PCSK6: variants seen among roughly 807,000 people sequenced by gnomAD.
PCSK6 encodes proprotein convertase subtilisin/kexin type 6.
In PCSK6, 85 loss-of-function variants were observed where a neutral mutation model predicts 123.3. That is an observed-to-expected ratio of 0.69 (90% confidence interval 0.58 to 0.83). The LOEUF is 0.83. Among genes scored for constraint, PCSK6 ranks in the 40% least tolerant of loss-of-function variants. PCSK6 has a pLI of 0.00. For synonymous variants in PCSK6, 508 were observed against 516.0 expected (o/e 0.98, Z 0.21); for missense variants, 1,191 against 1,282.3 (o/e 0.93, Z 1.09).
At position 101,331,941 on chromosome 15, in the gene PCSK6, A is replaced by G; in HGVS notation, c.1949T>C (p.Leu650Pro). ...CTCCAGCTCTGGGGCTGAGAGCTCC[A>G]GCATCCGCGAGCGGGACTGATGGGC... The part of the protein sequence containing the change: ...FSAHQSRSRM[L>P]ELSAPELEPP... Residue 650 changes from leucine to proline, a missense_variant, in exon 14 of 22, where the codon CTG (leucine) becomes CCG (proline). Coordinates refer to ENST00000611716, the MANE Select transcript of PCSK6 (RefSeq NM_002570.5). 1.2e-5 allele frequency: 20 copies of G among 1,613,926 alleles called. No individual in the cohort carries two copies. The highest frequency in any genetic ancestry group is 2.2e-5 in the East Asian group (1 of 44,888).
At chr15:101,432,951 G>A (rs1282343461) in intron 2 of PCSK6, among the ~76,000 whole-genome samples, 1 of 152,196 alleles carries the variant, frequency 6.6e-6, no homozygotes. Context: ...AATAGTAGTA[G>A]CATCAGTTCC....
At chr15:101,374,957 T>C (rs1369948970) in intron 11 of PCSK6, among the ~76,000 whole-genome samples, 1 of 142,116 alleles carries the variant, frequency 7.0e-6, no homozygotes, top group African/African-American at 2.6e-5. Flanking sequence ...ATGAAATTAC[T>C]TTTTTTTTTT....
chr15:101,419,212 C>T (rs1239316014), intron 6 of PCSK6, among the ~76,000 whole-genome samples: 3 of 151,758 alleles, frequency 2.0e-5, no homozygotes, highest in East Asian at 1.9e-4. Flanking sequence ...GAGAATCCAA[C>T]GGAAAAACAA....
chr15:101,363,715 CGCCTCCCGGGTTCAA>C (rs2041303458), intron 13 of PCSK6, among the ~76,000 whole-genome samples: 1 of 151,756 alleles, frequency 6.6e-6, no homozygotes, highest in Non-Finnish European at 1.5e-5. Context: ...CTGTAAGCTC[CGCCTCCCGGGTTCAA>C]GCCATTCTCC....
At chr15:101,327,841 C>T (rs2040292789) in intron 15 of PCSK6, among the ~76,000 whole-genome samples, 1 of 152,092 alleles carries the variant, frequency 6.6e-6, no homozygotes, top group Non-Finnish European at 1.5e-5. Flanking sequence ...TTGCGTGTCC[C>T]GGTTCCCACT....
chr15:101,365,106 G>A, intron 13 of PCSK6: 1 of 701,380 alleles, frequency 1.4e-6, no homozygotes, highest in Non-Finnish European at 2.7e-6. Context: ...ACAAAAGAAT[G>A]AGTTTGGACC....
At chr15:101,377,690 C>T (rs1354420819) in intron 11 of PCSK6, among the ~76,000 whole-genome samples, 1 of 152,158 alleles carries the variant, frequency 6.6e-6, no homozygotes, top group Admixed American at 6.5e-5. Context: ...CACGAAATTC[C>T]AGAAAAGCAG....
intron 2 of PCSK6, among the ~76,000 whole-genome samples, chr15:101,439,361 G>A (rs2056694812): frequency 6.6e-6 from 1 of 152,240 alleles, no homozygotes; most frequent in Non-Finnish European, 1.5e-5. Context: ...GTCTTTTAAG[G>A]TAAATTTACA....
intron 13 of PCSK6, chr15:101,346,717 T>A (rs2040739180): frequency 8.2e-7 from 1 of 1,214,300 alleles, no homozygotes; most frequent in Admixed American, 4.2e-5. Flanking sequence ...TCCCTCTTCC[T>A]CAGATCTGTC....
At chr15:101,323,510 C>T (rs2040179207) in intron 17 of PCSK6, among the ~76,000 whole-genome samples, 2 of 152,198 alleles carry the variant, frequency 1.3e-5, no homozygotes, top group Non-Finnish European at 2.9e-5. Flanking sequence ...GCAGATGGAT[C>T]ATTTGAGGTC....
intron 7 of PCSK6, among the ~76,000 whole-genome samples, chr15:101,396,423 A>C (rs897841189): frequency 6.6e-6 from 1 of 152,162 alleles, no homozygotes; most frequent in African/African-American, 2.4e-5. Context: ...CATCTTTGGA[A>C]ATCATCCCGT....
chr15:101,324,966 T>G lies in PCSK6; in HGVS notation c.2261A>C (p.Glu754Ala). ...CGTCGCAGCTCTGCTGGAGCAGGTC[T>G]CACACCCCTTGTGGCACCGGCGACA... is the stretch of plus-strand genomic sequence containing the variant. ...RRCRRCHKGC[E>A]TCSSRAATQC... is the part of the protein sequence containing the mutation. The change falls in exon 17 of 22, where the codon GAG becomes GCG. Residue 754 changes from glutamate to alanine, a missense_variant. This residue lies in a region of PCSK6 where 630 missense variants were observed against 631.4 expected (regional missense o/e 1.00). Transcript: ENST00000611716. 1.9e-6 allele frequency: 3 copies of G among 1,613,278 alleles called. No homozygotes were observed. The highest frequency in any genetic ancestry group is 2.5e-6 in the Non-Finnish European group (3 of 1,179,894).
chr15:101,379,034 C>T (rs744152), intron 11 of PCSK6, among the ~76,000 whole-genome samples: 7,773 of 152,306 alleles, frequency 0.051, 218 homozygotes, highest in Middle Eastern at 0.078. Context: ...ACTGGGGCAG[C>T]GTTGGAGACA....
chr15:101,436,262 G>A (rs865802816), intron 2 of PCSK6, among the ~76,000 whole-genome samples: 4 of 152,122 alleles, frequency 2.6e-5, no homozygotes, highest in African/African-American at 9.7e-5. Flanking sequence ...GGAAGGCCAC[G>A]AAGGGCATAC....
At chr15:101,406,371 G>A (rs1373569366) in intron 6 of PCSK6, among the ~76,000 whole-genome samples, 3 of 152,222 alleles carry the variant, frequency 2.0e-5, no homozygotes, top group Non-Finnish European at 4.4e-5. Context: ...GAATGGCAAT[G>A]CAGAAGCAAT....
chr15:101,418,697 C>T (rs2055977013), intron 6 of PCSK6, among the ~76,000 whole-genome samples: 1 of 151,944 alleles, frequency 6.6e-6, no homozygotes, highest in Non-Finnish European at 1.5e-5. Flanking sequence ...ATTTTTAGTA[C>T]AAACAGGGTT....
chr15:101,423,882 T>G (rs956335695), intron 6 of PCSK6, among the ~76,000 whole-genome samples: 4 of 152,152 alleles, frequency 2.6e-5, no homozygotes, highest in African/African-American at 9.7e-5. Context: ...AAAAGAATGT[T>G]AGAGCCACAG....
At chr15:101,315,837 G>A (rs977926311) in intron 19 of PCSK6, among the ~76,000 whole-genome samples, 5 of 152,222 alleles carry the variant, frequency 3.3e-5, no homozygotes, top group African/African-American at 7.2e-5. Flanking sequence ...CAGCAGCCCC[G>A]AAGGATTACA....
At chr15:101,416,086 A>G (rs1487252562) in intron 6 of PCSK6, among the ~76,000 whole-genome samples, 1 of 152,232 alleles carries the variant, frequency 6.6e-6, no homozygotes, top group Non-Finnish European at 1.5e-5. Flanking sequence ...TGGAGGGCTC[A>G]GAAGAAGACA....
Sources: gnomAD v4.1 joint callset for allele counts (sites outside exome capture counted in the v4.1 genomes callset) on GRCh38, gnomAD v4.1.1 for gene constraint, gnomAD v4.1.1 regional missense constraint, MANE v1.5 for transcripts, NCBI Gene and HGNC (gene_info 2026-07-23, HGNC 2026-07-21) for gene names.